Variants in SH3PXD2A observed in about 807,000 individuals in gnomAD.
SH3PXD2A encodes the protein SH3 and PX domains 2A.
A neutral mutation model predicts 115.2 loss-of-function variants in SH3PXD2A; 32 were observed. The ratio of observed to expected loss-of-function variants is 0.28; its 90% confidence interval spans 0.21 to 0.37. SH3PXD2A has a LOEUF of 0.37. Ranked by LOEUF, SH3PXD2A falls within the 10% of genes least tolerant of loss-of-function variation. The pLI, the probability that SH3PXD2A is intolerant of heterozygous loss-of-function variation, is 1.00. For synonymous variants in SH3PXD2A, 610 were observed against 629.1 expected, an observed-to-expected ratio of 0.97 and a Z score of 0.45; for missense variants, 1,328 against 1,498.7, an observed-to-expected ratio of 0.89 and a Z score of 1.88.
chr10:103,734,789 G>A (rs2038361330), intron 4 of SH3PXD2A, among the ~76,000 whole-genome samples: 1 of 152,118 alleles, frequency 6.6e-6, no homozygotes, highest in South Asian at 2.1e-4. Context: ...AAAAAATAAA[G>A]CTTTTTCATT....
chr10:103,742,599 C>T (rs2038455819), intron 3 of SH3PXD2A, among the ~76,000 whole-genome samples: 1 of 152,230 alleles, frequency 6.6e-6, no homozygotes, highest in South Asian at 2.1e-4. Flanking sequence ...GCATACCAGT[C>T]ACCTGACAGG....
chr10:103,714,309 A>G (rs2038080106), intron 5 of SH3PXD2A, among the ~76,000 whole-genome samples: 1 of 152,140 alleles, frequency 6.6e-6, no homozygotes, highest in Non-Finnish European at 1.5e-5. Flanking sequence ...AGCCCAAGAA[A>G]TTAATGGGGG....
At chr10:103,700,076 T>C (rs11191772) in intron 5 of SH3PXD2A, among the ~76,000 whole-genome samples, 59,219 of 152,080 alleles carry the variant, frequency 0.39, 11,903 homozygotes, top group East Asian at 0.56. Context: ...AACAAAGCAC[T>C]GTCTGTCTGT....
At chr10:103,813,491 A>AT (rs1447635675) in intron 1 of SH3PXD2A, among the ~76,000 whole-genome samples, 2 of 151,710 alleles carry the variant, frequency 1.3e-5, no homozygotes, top group Non-Finnish European at 2.9e-5. Flanking sequence ...TAATTTTTTA[A>AT]TTTTTTTGTA....
intron 2 of SH3PXD2A, among the ~76,000 whole-genome samples, chr10:103,797,908 T>C (rs2039108353): frequency 1.3e-5 from 2 of 152,078 alleles, no homozygotes; most frequent in Admixed American, 1.3e-4. Flanking sequence ...CCCTGTGTGC[T>C]CCCAGAGGGA....
intron 2 of SH3PXD2A, among the ~76,000 whole-genome samples, chr10:103,794,140 T>A (rs1202401716): frequency 1.3e-5 from 2 of 152,016 alleles, no homozygotes; most frequent in East Asian, 3.9e-4. Flanking sequence ...CATCATGAGG[T>A]GGGCTGTTGG....
chr10:103,638,828 A>G (rs924415343), intron 8 of SH3PXD2A, among the ~76,000 whole-genome samples: 2 of 152,256 alleles, frequency 1.3e-5, no homozygotes, highest in African/African-American at 4.8e-5. Flanking sequence ...CGCCTGGGTG[A>G]CTGGGGCCAG....
chr10:103,606,007 G>C (rs1592257618), intron 13 of SH3PXD2A, 90 bp from the exon 14 acceptor site: 10 of 1,419,478 alleles, frequency 7.0e-6, no homozygotes, highest in Middle Eastern at 2.1e-4. Flanking sequence ...TCCCCAGGGG[G>C]TGCGGATGGC....
At chr10:103,645,085 G>A (rs994870725) in intron 8 of SH3PXD2A, among the ~76,000 whole-genome samples, 7 of 152,150 alleles carry the variant, frequency 4.6e-5, no homozygotes, top group East Asian at 1.9e-4. Flanking sequence ...GCCAGCCAGC[G>A]TTCTGCTCTC....
rs1314608269 is a variant in SH3PXD2A, at chr10:103,597,322, G to C, written c.*4494C>G. ...TTCCTGCCTAGAAACTGAACTGAGGGCACCCAGTTTTAGAAAGATTCAAAC... is the reference window on the plus strand; with the variant it reads ...TTCCTGCCTAGAAACTGAACTGAGGCCACCCAGTTTTAGAAAGATTCAAAC... On this transcript the variant is annotated 3_prime_UTR_variant, in exon 15 of 15. Coordinates refer to ENST00000369774, the MANE Select transcript of SH3PXD2A (RefSeq NM_001394015.1). 2 of 152,360 alleles carry C rather than the reference G, an allele frequency of 1.3e-5. No homozygotes were observed. Among genetic ancestry groups the C allele is most frequent in the Non-Finnish European group, 2.9e-5 (2 of 68,046 alleles). 9.4% of individuals were successfully genotyped at this position (152,360 alleles called of 1,614,324 possible).
chr10:103,613,702 C>T (rs576220242), intron 11 of SH3PXD2A, among the ~76,000 whole-genome samples: 1 of 152,294 alleles, frequency 6.6e-6, no homozygotes, highest in African/African-American at 2.4e-5. Context: ...AAGTCCCTTC[C>T]CTGGAGCTCA....
intron 3 of SH3PXD2A, chr10:103,753,741 C>T (rs1258513640): frequency 2.6e-5 from 4 of 152,172 alleles, no homozygotes; most frequent in Non-Finnish European, 1.5e-5. Context: ...TAGCTATAAT[C>T]CTTAAGCAGA....
At chr10:103,752,951 AT>A (rs1336437664) in intron 3 of SH3PXD2A, among the ~76,000 whole-genome samples, 1 of 152,170 alleles carries the variant, frequency 6.6e-6, no homozygotes, top group African/African-American at 2.4e-5. Flanking sequence ...AAATAATGTA[AT>A]CTAGCTAAAA....
chr10:103,796,957 G>A (rs1163112043), intron 2 of SH3PXD2A, among the ~76,000 whole-genome samples: 1 of 150,496 alleles, frequency 6.6e-6, no homozygotes, highest in African/African-American at 2.4e-5. Flanking sequence ...GACCTCCCCG[G>A]CCTCAAGCAA....
intron 1 of SH3PXD2A, 62 bp from the exon 2 acceptor site, chr10:103,801,424 T>TCATGTAA (rs2039145513): frequency 1.3e-5 from 13 of 1,001,868 alleles, no homozygotes; most frequent in Admixed American, 1.2e-4. Flanking sequence ...GTGCCAGGCA[T>TCATGTAA]CATGTAACAT....
intron 1 of SH3PXD2A, among the ~76,000 whole-genome samples, chr10:103,822,549 G>GC (rs558798803): frequency 4.2e-4 from 62 of 145,922 alleles, no homozygotes; most frequent in East Asian, 1.9e-3. Flanking sequence ...GGGCATGGTG[G>GC]GGGGGGAGCA....
At chr10:103,618,385 C>T (rs1042496103) in intron 10 of SH3PXD2A, among the ~76,000 whole-genome samples, 1 of 152,206 alleles carries the variant, frequency 6.6e-6, no homozygotes, top group African/African-American at 2.4e-5. Context: ...GACCCCAGAG[C>T]TGAGTACTCC....
chr10:103,646,488 AC>A (rs1403804632), intron 8 of SH3PXD2A, among the ~76,000 whole-genome samples: 4 of 152,152 alleles, frequency 2.6e-5, no homozygotes, highest in Non-Finnish European at 4.4e-5. Flanking sequence ...ACCCATGAGT[AC>A]CAGTGAGTGA....
chr10:103,600,963 G>A lies in SH3PXD2A; in HGVS notation c.*853C>T, dbSNP rs1038326846. Reference sequence around the variant, plus strand: ...AAAATAAGACGCAAACCAAAGGCCTGACATATAAGCCCCAAATCAACAAAC... The same window carrying A: ...AAAATAAGACGCAAACCAAAGGCCTAACATATAAGCCCCAAATCAACAAAC... On this transcript the variant is annotated 3_prime_UTR_variant, in exon 15 of 15. Transcript: ENST00000369774. The A allele has an allele frequency of 6.6e-6, 1 of 152,188 alleles. No homozygotes were observed. The highest frequency in any genetic ancestry group is 1.5e-5 in the Non-Finnish European group (1 of 68,058). The allele number at this position is 152,188 out of a possible 1,614,324, so 9.4% of individuals were successfully genotyped here. A position where few individuals can be genotyped will look rare whatever the true frequency, so the allele number is the denominator to read the frequency against.
Sources: gnomAD v4.1 joint callset for allele counts (sites outside exome capture counted in the v4.1 genomes callset) on GRCh38, gnomAD v4.1.1 for gene constraint, MANE v1.5 for transcripts, NCBI Gene and HGNC (gene_info 2026-07-23, HGNC 2026-07-21) for gene names.